CTNNA3: variants seen among roughly 807,000 people sequenced by gnomAD.
CTNNA3 encodes the protein catenin alpha-3.
CTNNA3 carries 76 observed loss-of-function variants against 95.7 expected under a neutral mutation model. The ratio of observed to expected loss-of-function variants is 0.79; its 90% confidence interval spans 0.66 to 0.96. The LOEUF (loss-of-function observed/expected upper bound fraction) is 0.96, where lower values mean the gene tolerates loss of function less well. Among genes scored for constraint, CTNNA3 ranks in the 40% least tolerant of loss-of-function variants. The pLI is 0.00. For synonymous variants in CTNNA3, 431 were observed against 374.4 expected (o/e 1.15, Z -1.74); for missense variants, 1,191 against 1,089.8 (o/e 1.09, Z -1.31).
chr10:66,495,232 C>G (rs79978512), intron 11 of CTNNA3, among the ~76,000 whole-genome samples: 2,305 of 152,170 alleles, frequency 0.015, 34 homozygotes, highest in East Asian at 0.067. Flanking sequence ...TCTCAGAGTT[C>G]TTTATACATC....
rs187105756 is a variant in CTNNA3 at position 66,489,257 on chromosome 10, G to C, written c.1531+31360C>G. Among the ~76,000 whole-genome samples the C allele has an allele frequency of 3.1e-3, 471 of 152,206 alleles. 1 individual carries two copies. The highest frequency in any genetic ancestry group is 4.9e-3 in the Non-Finnish European group (333 of 68,002). On this transcript the variant is annotated intron_variant, in intron 11 of 17. Transcript: ENST00000433211. ...CAATCAATGGGACAGAGTAAAAGCA[G>C]CTGTCAATTCATCTCTTGTCCATAA...
chr10:66,223,690 A>G (rs1006968422), intron 13 of CTNNA3, among the ~76,000 whole-genome samples: 1 of 152,234 alleles, frequency 6.6e-6, no homozygotes, highest in Non-Finnish European at 1.5e-5. Flanking sequence ...TACATGCCCA[A>G]GATCACCACA....
chr10:66,078,966 C>T (rs945892280), intron 14 of CTNNA3: 6 of 151,956 alleles, frequency 3.9e-5, no homozygotes, highest in Middle Eastern at 3.4e-3. Flanking sequence ...TTCCATGACC[C>T]AGTTTACAGT....
At chr10:66,390,204 A>G (rs58495333) in intron 11 of CTNNA3, among the ~76,000 whole-genome samples, 9,874 of 152,226 alleles carry the variant, frequency 0.065, 521 homozygotes, top group East Asian at 0.23. Flanking sequence ...GTAGCAGCAC[A>G]TTTTGTTTGC....
At chr10:67,675,540 G>C (rs919918149) in intron 1 of CTNNA3, among the ~76,000 whole-genome samples, 12 of 152,156 alleles carry the variant, frequency 7.9e-5, no homozygotes, top group Admixed American at 2.0e-4. Flanking sequence ...TAAGGTGAAG[G>C]CTCAAAGTTG....
At chr10:65,937,974 C>CA (rs764273115) in intron 17 of CTNNA3, among the ~76,000 whole-genome samples, 6 of 151,718 alleles carry the variant, frequency 4.0e-5, no homozygotes, top group Non-Finnish European at 7.4e-5. Flanking sequence ...CAAAAAAACT[C>CA]AAAAAACAAA....
intron 7 of CTNNA3, among the ~76,000 whole-genome samples, chr10:67,026,217 C>A (rs923854936): frequency 2.0e-5 from 3 of 151,388 alleles, no homozygotes; most frequent in Admixed American, 6.6e-5. Flanking sequence ...ATGTAACTAA[C>A]TTGCACATTG....
At chr10:67,691,664 C>G (rs1386195610) in intron 1 of CTNNA3, among the ~76,000 whole-genome samples, 1 of 151,792 alleles carries the variant, frequency 6.6e-6, no homozygotes, top group Non-Finnish European at 1.5e-5. Context: ...GGCAGCCGCC[C>G]CATCTGAGAA....
chr10:67,297,260 A>G (rs1179858689), intron 5 of CTNNA3, among the ~76,000 whole-genome samples: 1 of 152,204 alleles, frequency 6.6e-6, no homozygotes, highest in Non-Finnish European at 1.5e-5. Context: ...TGACAGTTCC[A>G]AGAGGTGTCC....
intron 7 of CTNNA3, among the ~76,000 whole-genome samples, chr10:66,906,177 C>T (rs1415146313): frequency 6.6e-6 from 1 of 152,046 alleles, no homozygotes; most frequent in East Asian, 1.9e-4. Context: ...TCAGGCCAAC[C>T]ACACTTAAAT....
intron 17 of CTNNA3, among the ~76,000 whole-genome samples, chr10:65,942,026 A>G (rs2077438415): frequency 1.3e-5 from 2 of 152,204 alleles, no homozygotes; most frequent in Admixed American, 6.5e-5. Flanking sequence ...GCTTACTGAA[A>G]TGGTATATTT....
At chr10:66,088,680 A>G (rs983265013) in intron 14 of CTNNA3, among the ~76,000 whole-genome samples, 1 of 152,070 alleles carries the variant, frequency 6.6e-6, no homozygotes, top group Non-Finnish European at 1.5e-5. Context: ...GTATCTCCAC[A>G]AAGTGTTTGA....
At chr10:67,310,544 T>C (rs1840749220) in intron 5 of CTNNA3, among the ~76,000 whole-genome samples, 1 of 152,222 alleles carries the variant, frequency 6.6e-6, no homozygotes, top group African/African-American at 2.4e-5. Flanking sequence ...CATGCTGCTA[T>C]AAGGACATAC....
At chr10:67,648,221 C>T (rs1839776436) in intron 1 of CTNNA3, among the ~76,000 whole-genome samples, 1 of 152,054 alleles carries the variant, frequency 6.6e-6, no homozygotes, top group Non-Finnish European at 1.5e-5. Flanking sequence ...GAGATTTTTG[C>T]CTAACAATAT....
chr10:66,445,020 A>C (rs998147772), intron 11 of CTNNA3, among the ~76,000 whole-genome samples: 5 of 152,074 alleles, frequency 3.3e-5, no homozygotes, highest in African/African-American at 1.2e-4. Flanking sequence ...CAGGGGTCGC[A>C]ATCCTAGTCT....
intron 15 of CTNNA3, among the ~76,000 whole-genome samples, chr10:66,000,811 C>T (rs1017280869): frequency 5.9e-5 from 9 of 152,028 alleles, no homozygotes; most frequent in African/African-American, 9.7e-5. Flanking sequence ...AGCAAACTGA[C>T]GAACAGACAA....
intron 15 of CTNNA3, among the ~76,000 whole-genome samples, chr10:66,058,618 C>T (rs1474295899): frequency 6.6e-6 from 1 of 152,138 alleles, no homozygotes; most frequent in Non-Finnish European, 1.5e-5. Context: ...GAGCTCAGTG[C>T]TTCCAAACAA....
chr10:66,975,891 C>A (rs1227335914), intron 7 of CTNNA3, among the ~76,000 whole-genome samples: 1 of 152,188 alleles, frequency 6.6e-6, no homozygotes, highest in Non-Finnish European at 1.5e-5. Context: ...ATCAGTATAT[C>A]AATACCTCCT....
At chr10:66,012,558 A>T (rs530134574) in intron 15 of CTNNA3, among the ~76,000 whole-genome samples, 2 of 152,214 alleles carry the variant, frequency 1.3e-5, no homozygotes, top group Non-Finnish European at 2.9e-5. Flanking sequence ...ACAACTGCAT[A>T]AAAAATACAT....
Sources: allele counts gnomAD v4.1 joint callset (sites outside exome capture counted in the v4.1 genomes callset), GRCh38; gene constraint gnomAD v4.1.1; transcripts MANE v1.5; gene names NCBI Gene and HGNC (gene_info 2026-07-23, HGNC 2026-07-21).